The following KCNU1 variants were observed in gnomAD, a reference collection of about 807,000 sequenced individuals.
KCNU1 encodes potassium calcium-activated channel subfamily U member 1.
In KCNU1, 93 loss-of-function variants were observed where a neutral mutation model predicts 126.8. The observed-to-expected ratio is 0.73, with a 90% CI of 0.62 to 0.87. KCNU1 has a LOEUF of 0.87. KCNU1 is among the 40% of genes least tolerant of loss of function. The pLI is 0.00. For missense variants in KCNU1, 1,330 were observed against 1,367.1 expected (o/e 0.97, Z 0.43); for synonymous variants, 523 against 494.2 (o/e 1.06, Z -0.77).
At chr8:36,916,071 C>T (rs934496753) in intron 22 of KCNU1, among the ~76,000 whole-genome samples, 7 of 122,352 alleles carry the variant, frequency 5.7e-5, no homozygotes, top group South Asian at 2.5e-4. Context: ...GGGAAAGGGA[C>T]GAGAGAAAAA....
chr8:36,867,012 T>C (rs1267843687), intron 19 of KCNU1, among the ~76,000 whole-genome samples: 2 of 152,050 alleles, frequency 1.3e-5, no homozygotes, highest in Non-Finnish European at 2.9e-5. Context: ...TATGCATCAG[T>C]ACAAATATAC....
At position 36,858,646 on chromosome 8, in the gene KCNU1, GATAA is replaced by G. The variant is rs144881539; in HGVS notation, c.1892-5753_1892-5750del. Among the ~76,000 whole-genome samples the G allele has an allele frequency of 9.2e-3, 1,401 of 152,168 alleles. 21 individuals carry two copies. Among genetic ancestry groups the G allele is most frequent in the African/African-American group, 0.032 (1,340 of 41,530 alleles). ...TCTGCAAACAAAAATGTTTTATAAA[GATAA>G]ATAATCATCCCTTTTTAGCTGACTT... is the stretch of plus-strand genomic sequence containing the variant. On this transcript the variant is annotated intron_variant, in intron 18 of 26. Coordinates refer to ENST00000399881, the MANE Select transcript of KCNU1 (RefSeq NM_001031836.3).
intron 2 of KCNU1, among the ~76,000 whole-genome samples, chr8:36,797,445 T>G (rs2130371792): frequency 6.6e-6 from 1 of 152,342 alleles, no homozygotes; most frequent in South Asian, 2.1e-4. Context: ...CTTTGTGTGT[T>G]TGTTATGTCT....
At chr8:36,792,455 G>A (rs1174976691) in intron 2 of KCNU1, among the ~76,000 whole-genome samples, 16 of 152,172 alleles carry the variant, frequency 1.1e-4, no homozygotes, top group Admixed American at 9.2e-4. Flanking sequence ...GATAGACCCT[G>A]CGAGAAAGGG....
At chr8:36,809,446 TAAC>T (rs1218959365) in intron 7 of KCNU1, among the ~76,000 whole-genome samples, 1 of 152,202 alleles carries the variant, frequency 6.6e-6, no homozygotes, top group Non-Finnish European at 1.5e-5. Context: ...ACAGAATGCA[TAAC>T]AGGTCTTTTT....
At chr8:36,930,076 A>G (rs1375361830) in intron 24 of KCNU1, among the ~76,000 whole-genome samples, 3 of 152,188 alleles carry the variant, frequency 2.0e-5, no homozygotes, top group African/African-American at 7.2e-5. Context: ...TTTAGATAAT[A>G]TATAAAATAG....
chr8:36,919,780 G>C (rs1461835612), intron 23 of KCNU1, among the ~76,000 whole-genome samples: 1 of 152,198 alleles, frequency 6.6e-6, no homozygotes, highest in African/African-American at 2.4e-5. Context: ...TGCATAATGG[G>C]CATTTTATGA....
At chr8:36,845,731 C>G in intron 17 of KCNU1, 62 bp downstream of exon 17, 1 of 1,434,848 alleles carries the variant, frequency 7.0e-7, no homozygotes, top group Non-Finnish European at 9.8e-7. Flanking sequence ...GGGAGGCCCA[C>G]TGAGTCAGCA....
At chr8:36,866,197 T>A (rs1371248712) in intron 19 of KCNU1, among the ~76,000 whole-genome samples, 1 of 152,176 alleles carries the variant, frequency 6.6e-6, no homozygotes, top group African/African-American at 2.4e-5. Flanking sequence ...AGCCTTCCAA[T>A]GATGTAGATT....
At chr8:36,785,760 ATCT>A (rs1278659524) in intron 1 of KCNU1, among the ~76,000 whole-genome samples, 2 of 152,110 alleles carry the variant, frequency 1.3e-5, no homozygotes, top group African/African-American at 2.4e-5. Flanking sequence ...GGATTTTTAA[ATCT>A]TCTTAGTCTT....
intron 19 of KCNU1, among the ~76,000 whole-genome samples, chr8:36,876,544 T>A (rs1168683902): frequency 6.6e-6 from 1 of 152,144 alleles, no homozygotes; most frequent in Non-Finnish European, 1.5e-5. Flanking sequence ...AGAACCATGT[T>A]CTTTCTTGGA....
In KCNU1 at chr8:36,840,955, TC is replaced by T; in HGVS notation, c.1657del (p.Leu553CysfsTer2). The T allele has an allele frequency of 2.5e-6, 4 of 1,612,728 alleles. No individual in the cohort carries two copies. Among genetic ancestry groups the T allele is most frequent in the Non-Finnish European group, 3.4e-6 (4 of 1,179,182 alleles). On this transcript the variant is annotated frameshift_variant, in exon 16 of 27. Transcript: ENST00000399881. LOFTEE classifies it high-confidence loss of function. ...AGGCTCTGCTTTCTGAAGATGCACCTCCTGTTGATAGCCATCGAATACAAGT... is the reference window on the plus strand; with the variant it reads ...AGGCTCTGCTTTCTGAAGATGCACCTCTGTTGATAGCCATCGAATACAAGT... ...VARLCFLKMH[L>X]LLIAIEYKSL...
At chr8:36,787,457 A>G in intron 2 of KCNU1, 32 bp downstream of exon 2, 2 of 1,577,216 alleles carry the variant, frequency 1.3e-6, no homozygotes, top group South Asian at 2.3e-5. Context: ...GCTTGCTAAC[A>G]AACTTTAGCC....
At chr8:36,920,456 A>T (rs1413038744) in intron 23 of KCNU1, among the ~76,000 whole-genome samples, 1 of 152,202 alleles carries the variant, frequency 6.6e-6, no homozygotes, top group East Asian at 1.9e-4. Context: ...GGTGCATCTG[A>T]TCACTCTCCA....
rs758524359 is a variant in KCNU1 at position 36,935,925 on chromosome 8, G to T, written c.*5G>T. On this transcript the variant is annotated 3_prime_UTR_variant, in exon 27 of 27. Coordinates refer to ENST00000399881, the MANE Select transcript of KCNU1 (RefSeq NM_001031836.3). ...GCATATTCAGAGCCACTATAGACCT[G>T]CCCATATTCTTCACGTGCTCTTAAC... is the stretch of plus-strand genomic sequence containing the variant. The T allele has an allele frequency of 4.5e-6, 7 of 1,543,128 alleles. No homozygotes were observed. Among genetic ancestry groups the T allele is most frequent in the Non-Finnish European group, 6.1e-6 (7 of 1,146,670 alleles).
At chr8:36,895,943 G>A (rs1807171746) in intron 19 of KCNU1, among the ~76,000 whole-genome samples, 1 of 151,852 alleles carries the variant, frequency 6.6e-6, no homozygotes. Flanking sequence ...TATGCTCTTG[G>A]AGCACTATTG....
In KCNU1 at chr8:36,898,541, G is replaced by A. The variant is rs935386524; in HGVS notation, c.2010-7167G>A. On this transcript the variant is annotated intron_variant, in intron 19 of 26. Coordinates refer to ENST00000399881, the MANE Select transcript of KCNU1 (RefSeq NM_001031836.3). ...GTAGTTTTCAGATATCTCATGCTCC[G>A]ATTCCCCATCTCCATACCCCACCAA... 2.3e-4 allele frequency among the ~76,000 whole-genome samples: 35 copies of A among 151,584 alleles called. 1 individual carries two copies. The highest frequency in any genetic ancestry group is 8.0e-4 in the African/African-American group (33 of 41,320).
chr8:36,806,007 C>A (rs1286736924), intron 4 of KCNU1, among the ~76,000 whole-genome samples: 1 of 152,082 alleles, frequency 6.6e-6, no homozygotes, highest in Non-Finnish European at 1.5e-5. Context: ...CCACGTGCAG[C>A]TAATCTTTAT....
intron 2 of KCNU1, among the ~76,000 whole-genome samples, chr8:36,803,668 C>T (rs575010472): frequency 6.6e-6 from 1 of 152,188 alleles, no homozygotes; most frequent in African/African-American, 2.4e-5. Flanking sequence ...CTATTAAGCA[C>T]TTAATAGATG....
Sources: gnomAD v4.1 joint callset for allele counts (sites outside exome capture counted in the v4.1 genomes callset) on GRCh38, gnomAD v4.1.1 for gene constraint, MANE v1.5 for transcripts, NCBI Gene and HGNC (gene_info 2026-07-23, HGNC 2026-07-21) for gene names.